ARHGAP8: variants seen among roughly 807,000 people sequenced by gnomAD.
ARHGAP8 encodes Rho GTPase activating protein 8.
ARHGAP8 carries 62 observed loss-of-function variants against 46.1 expected under a neutral mutation model. The observed-to-expected ratio is 1.34, with a 90% CI of 1.10 to 1.66. ARHGAP8 has a LOEUF of 1.66. Among genes scored for constraint, ARHGAP8 ranks in the 40% most tolerant of loss-of-function variants. The pLI is 0.00. For synonymous variants in ARHGAP8, 375 were observed against 243.1 expected (o/e 1.54, Z -5.05); for missense variants, 923 against 568.4 (o/e 1.62, Z -6.34).
At chr22:44,804,470 A>G (rs550225449) in intron 3 of ARHGAP8, among the ~76,000 whole-genome samples, 1 of 152,278 alleles carries the variant, frequency 6.6e-6, no homozygotes, top group Non-Finnish European at 1.5e-5. Context: ...CTCCCCGACA[A>G]TGAACTGATT....
At chr22:44,753,677 G>A (rs1924438478) in intron 1 of ARHGAP8, among the ~76,000 whole-genome samples, 1 of 152,062 alleles carries the variant, frequency 6.6e-6, no homozygotes, top group Non-Finnish European at 1.5e-5. Flanking sequence ...AAATTTCTCC[G>A]CTGCCTTGGG....
intron 9 of ARHGAP8, among the ~76,000 whole-genome samples, chr22:44,848,463 A>G (rs2070015223): frequency 6.6e-6 from 1 of 152,254 alleles, no homozygotes; most frequent in Non-Finnish European, 1.5e-5. Context: ...CTGAGGATGC[A>G]TTGCACTGAC....
rs1163413491 is a variant in ARHGAP8, at chr22:44,862,552, C to T, written c.1259C>T (p.Thr420Ile). Residue 420 changes from threonine (T) to isoleucine (I), a missense_variant, in exon 12 of 12, where the codon ACC becomes ATC. Thr to Ile is a moderately conservative substitution (Grantham distance 89, BLOSUM62 -1). Coordinates refer to ENST00000356099, the MANE Select transcript of ARHGAP8 (RefSeq NM_181335.3). ...RTQATGLTKPTLPPSPLMAAR... is the reference protein window; with the variant it reads ...RTQATGLTKPILPPSPLMAAR... The stretch of plus-strand genomic sequence containing the variant: ...CAAGCCACGGGCCTCACCAAGCCTA[C>T]CCTACCTCCGAGTCCCCTGATGGCA... 2.5e-6 allele frequency: 4 copies of T among 1,601,308 alleles called. No homozygotes were observed. Among genetic ancestry groups the T allele is most frequent in the Non-Finnish European group, 3.4e-6 (4 of 1,170,252 alleles).
intron 4 of ARHGAP8, among the ~76,000 whole-genome samples, chr22:44,810,503 G>A (rs980322709): frequency 2.0e-5 from 3 of 152,232 alleles, no homozygotes; most frequent in African/African-American, 7.2e-5. Flanking sequence ...GCCTCCCAAA[G>A]TGCCGGGATT....
At chr22:44,829,410 A>G (rs139674573) in intron 7 of ARHGAP8, among the ~76,000 whole-genome samples, 10 of 152,350 alleles carry the variant, frequency 6.6e-5, no homozygotes, top group African/African-American at 2.2e-4. Context: ...CTCGGCTCCT[A>G]GAAGGCTACC....
rs1441821167 is a variant in ARHGAP8 at position 44,802,177 on chromosome 22, C to T, written c.167+13C>T. ...AGCGGCTGCTGGAGTAAGTGTTCTG[C>T]CCCCTCTCTTTCTGTCCCTGTCTCT... On this transcript the variant is annotated intron_variant, in intron 3 of 11. Coordinates refer to ENST00000356099, the MANE Select transcript of ARHGAP8 (RefSeq NM_181335.3). The T allele has an allele frequency of 5.0e-6, 8 of 1,613,878 alleles. No homozygotes were observed. The highest frequency in any genetic ancestry group is 6.8e-6 in the Non-Finnish European group (8 of 1,179,828).
At position 44,862,770 on chromosome 22, in the gene ARHGAP8, A is replaced by AC; in HGVS notation, c.*177dup. The AC allele has an allele frequency of 2.6e-6, 2 of 763,080 alleles. No individual in the cohort carries two copies. The highest frequency in any genetic ancestry group is 4.0e-6 in the Non-Finnish European group (2 of 504,926). The allele number at this position is 763,080 out of a possible 1,614,324, so 47.3% of individuals were successfully genotyped here. On this transcript the variant is annotated 3_prime_UTR_variant, in exon 12 of 12. Transcript: ENST00000356099. Reference sequence around the variant, plus strand: ...CTTGTCCATGGTTCCTGAGCTGTGGACCGGGATAGAATAATGCATTTGTTA... The same window carrying AC: ...CTTGTCCATGGTTCCTGAGCTGTGGACCCGGGATAGAATAATGCATTTGTTA...
At chr22:44,803,634 C>CCCCCTCCCGTG (rs1928716263) in intron 3 of ARHGAP8, among the ~76,000 whole-genome samples, 1 of 131,990 alleles carries the variant, frequency 7.6e-6, no homozygotes, top group Non-Finnish European at 1.7e-5. Flanking sequence ...TATGCAGACA[C>CCCCCTCCCGTG]CACCTCCCAT....
intron 8 of ARHGAP8, 58 bp downstream of exon 8, chr22:44,845,400 G>A: frequency 6.2e-7 from 1 of 1,610,536 alleles, no homozygotes; most frequent in South Asian, 1.1e-5. Flanking sequence ...CACCTCTCTG[G>A]GTGGTTTGTC....
intron 1 of ARHGAP8, among the ~76,000 whole-genome samples, chr22:44,782,810 G>A (rs777587159): frequency 2.0e-5 from 3 of 152,156 alleles, no homozygotes; most frequent in African/African-American, 2.4e-5. Context: ...ATGCGTGTAC[G>A]TGTATTTGCT....
intron 10 of ARHGAP8, among the ~76,000 whole-genome samples, chr22:44,856,323 G>A (rs2070224145): frequency 7.7e-6 from 1 of 129,208 alleles, no homozygotes; most frequent in African/African-American, 3.0e-5. Flanking sequence ...CCAGGCCAGA[G>A]TGCAGTGGCT....
rs1928606894 is a variant in ARHGAP8 at position 44,802,165 on chromosome 22, G to A, written c.167+1G>A. 2 of 1,613,536 alleles carry A rather than the reference G, an allele frequency of 1.2e-6. No individual in the cohort carries two copies. The highest frequency in any genetic ancestry group is 1.7e-6 in the Non-Finnish European group (2 of 1,179,470). The stretch of plus-strand genomic sequence containing the variant: ...AGCTGGACCACCAGCGGCTGCTGGA[G>A]TAAGTGTTCTGCCCCCTCTCTTTCT... On this transcript the variant is annotated splice_donor_variant, in intron 3 of 11. Transcript: ENST00000356099. LOFTEE classifies it high-confidence loss of function.
At chr22:44,809,052 C>T (rs1215060728) in intron 4 of ARHGAP8, 1 of 464,630 alleles carries the variant, frequency 2.2e-6, no homozygotes, top group Non-Finnish European at 4.4e-6. Flanking sequence ...GAACTCCAAG[C>T]TCAAGCGATC....
chr22:44,819,970 C>G (rs2025329128), intron 5 of ARHGAP8, among the ~76,000 whole-genome samples: 1 of 152,198 alleles, frequency 6.6e-6, no homozygotes, highest in African/African-American at 2.4e-5. Flanking sequence ...GGCTCTGGAG[C>G]CCAGATTGGG....
At chr22:44,760,668 G>T (rs184558362) in intron 1 of ARHGAP8, among the ~76,000 whole-genome samples, 3 of 152,346 alleles carry the variant, frequency 2.0e-5, no homozygotes, top group Admixed American at 2.0e-4. Context: ...TAAGATAATT[G>T]CTGTGAGGGT....
intron 2 of ARHGAP8, among the ~76,000 whole-genome samples, chr22:44,797,050 A>C (rs1234320495): frequency 6.6e-6 from 1 of 151,932 alleles, no homozygotes; most frequent in East Asian, 1.9e-4. Context: ...TTTCCCCTGG[A>C]CCCTGGGGCC....
chr22:44,796,747 G>C (rs1928117990), intron 2 of ARHGAP8, among the ~76,000 whole-genome samples: 1 of 152,206 alleles, frequency 6.6e-6, no homozygotes, highest in African/African-American at 2.4e-5. Context: ...TCCTATGGCT[G>C]GTCCTGAATT....
chr22:44,757,638 G>GTTGTT (rs902677889), intron 1 of ARHGAP8, among the ~76,000 whole-genome samples: 2 of 151,796 alleles, frequency 1.3e-5, no homozygotes, highest in African/African-American at 2.4e-5. Context: ...GAGTGTTTTT[G>GTTGTT]TTGTTTTGTT....
intron 1 of ARHGAP8, 25 bp downstream of exon 1, chr22:44,752,652 AGC>A (rs1339011376): frequency 1.2e-5 from 1 of 83,660 alleles, no homozygotes; most frequent in Non-Finnish European, 2.4e-5. Context: ...GGCGGGAGGG[AGC>A]GCGCAGGGAG....
Sources: allele counts gnomAD v4.1 joint callset (sites outside exome capture counted in the v4.1 genomes callset), GRCh38; gene constraint gnomAD v4.1.1; transcripts MANE v1.5; gene names NCBI Gene and HGNC (gene_info 2026-07-23, HGNC 2026-07-21).